Variants in FNDC3B observed in about 807,000 individuals in gnomAD.
FNDC3B encodes fibronectin type III domain-containing protein 3B.
Under a neutral mutation model 151.5 loss-of-function variants are expected in FNDC3B, and 12 were observed. The ratio of observed to expected loss-of-function variants is 0.08; its 90% CI spans 0.05 to 0.13. The LOEUF is 0.13. Among genes scored for constraint, FNDC3B ranks in the 10% least tolerant of loss-of-function variants. FNDC3B has a pLI of 1.00. For missense variants in FNDC3B, 1,214 were observed against 1,505.3 expected (o/e 0.81, Z 3.20); for synonymous variants, 528 against 549.0 (o/e 0.96, Z 0.54).
rs142806246 is a variant in FNDC3B, at chr3:172,154,448, C to T, written c.187+20902C>T. On this transcript the variant is annotated intron_variant, in intron 3 of 25. Transcript: ENST00000415807. The stretch of plus-strand genomic sequence containing the variant: ...CCAGGATGGTCCTGACCTCGTGATC[C>T]GCCGTCCTCCGCCTCCCAAAGTGCT... 4.2e-3 allele frequency among the ~76,000 whole-genome samples: 640 copies of T among 152,218 alleles called. 5 individuals are homozygous for T. The highest frequency in any genetic ancestry group is 0.014 in the African/African-American group (596 of 41,548).
At chr3:172,127,548 A>T (rs1461456507) in intron 2 of FNDC3B, among the ~76,000 whole-genome samples, 3 of 103,540 alleles carry the variant, frequency 2.9e-5, no homozygotes, top group Non-Finnish European at 6.1e-5. Context: ...GCTGTTTCTT[A>T]ATCATTGTAG....
intron 6 of FNDC3B, among the ~76,000 whole-genome samples, chr3:172,257,217 C>T (rs952327958): frequency 2.0e-5 from 3 of 152,192 alleles, no homozygotes; most frequent in Admixed American, 2.0e-4. Context: ...GGCCTCCAAA[C>T]ACTTTTTTAT....
intron 25 of FNDC3B, 74 bp downstream of exon 25, chr3:172,381,167 G>C: frequency 6.6e-7 from 1 of 1,526,650 alleles, no homozygotes; most frequent in Non-Finnish European, 9.0e-7. Flanking sequence ...TGCTATGAAT[G>C]ACTCAGTGAA....
At chr3:172,305,538 TCA>T (rs1355500956) in intron 9 of FNDC3B, among the ~76,000 whole-genome samples, 1 of 152,216 alleles carries the variant, frequency 6.6e-6, no homozygotes. Flanking sequence ...AGATACAGGT[TCA>T]GTTTTTCTGC....
intron 3 of FNDC3B, among the ~76,000 whole-genome samples, chr3:172,176,195 C>T (rs915249973): frequency 1.3e-5 from 2 of 152,188 alleles, no homozygotes; most frequent in Admixed American, 1.3e-4. Context: ...CATTCCCTTG[C>T]CAGAGCCTGG....
chr3:172,172,749 A>G (rs1723347091), intron 3 of FNDC3B, among the ~76,000 whole-genome samples: 1 of 152,244 alleles, frequency 6.6e-6, no homozygotes, highest in Non-Finnish European at 1.5e-5. Flanking sequence ...ATATGCATTT[A>G]TATCGCTCAG....
chr3:172,077,640 T>G (rs1015452792), intron 1 of FNDC3B, among the ~76,000 whole-genome samples: 1 of 152,140 alleles, frequency 6.6e-6, no homozygotes, highest in South Asian at 2.1e-4. Flanking sequence ...TGGCCTCCAG[T>G]GTGGTTGTCT....
chr3:172,270,160 G>A (rs1157487199), intron 6 of FNDC3B, among the ~76,000 whole-genome samples: 1 of 152,208 alleles, frequency 6.6e-6, no homozygotes. Flanking sequence ...TGTAGTGCTT[G>A]TTTTGTAATA....
intron 25 of FNDC3B, among the ~76,000 whole-genome samples, chr3:172,390,486 G>C (rs1735951736): frequency 6.6e-6 from 1 of 150,766 alleles, no homozygotes; most frequent in South Asian, 2.1e-4. Flanking sequence ...TGAAGTCTTT[G>C]TTCAAGAGTC....
Position 172,362,744 on chromosome 3 carries a change from T to C in FNDC3B, c.2907T>C (p.Ala969=). Residue 969 remains alanine, a synonymous_variant, in exon 23 of 26, where the codon GCT becomes GCC. Transcript: ENST00000415807. ...CTCCTAGGCTAGAATGTGCTGCTGCTGGTCCTCAGAGCCTGAAGCTAAAAT... is the reference window on the plus strand; with the variant it reads ...CTCCTAGGCTAGAATGTGCTGCTGCCGGTCCTCAGAGCCTGAAGCTAAAAT... ...PLPPRLECAA[A]GPQSLKLKWG... The C allele has an allele frequency of 6.2e-7, 1 of 1,614,108 alleles. No homozygotes were observed.
rs894754935 is a variant in FNDC3B, at chr3:172,280,867, C to T, written c.791-5059C>T. ...TTTAAATTTCACATGACACATCTTCCCTCTATGTGTGTGGGTTTTTTCTTT... is the reference window on the plus strand; with the variant it reads ...TTTAAATTTCACATGACACATCTTCTCTCTATGTGTGTGGGTTTTTTCTTT... On this transcript the variant is annotated intron_variant, in intron 6 of 25. Coordinates refer to ENST00000415807, the MANE Select transcript of FNDC3B (RefSeq NM_022763.4). Among the ~76,000 whole-genome samples the T allele has an allele frequency of 2.0e-5, 3 of 152,168 alleles. No homozygotes were observed. In the East Asian group the frequency reaches 5.8e-4, roughly 29 times the overall value.
intron 1 of FNDC3B, among the ~76,000 whole-genome samples, chr3:172,081,459 CTG>C (rs1282854282): frequency 1.3e-5 from 2 of 152,026 alleles, no homozygotes; most frequent in African/African-American, 2.4e-5. Context: ...TGTAAAGTGA[CTG>C]TTTTTAACAT....
At position 172,298,653 on chromosome 3, in the gene FNDC3B, C is replaced by T. The variant is rs1730756802; in HGVS notation, c.1002-75C>T. 3 of 922,634 alleles carry T rather than the reference C, an allele frequency of 3.3e-6. No homozygotes were observed. The Admixed American group carries it at 6.1e-5, about 19-fold the overall frequency. The allele number at this position is 922,634 out of a possible 1,614,324, so 57.2% of individuals were successfully genotyped here. The stretch of plus-strand genomic sequence containing the variant: ...TTCATGAATTATTGTCAGTACATTA[C>T]TGGACACCCAAATTCCAAATCTCGT... On this transcript the variant is annotated intron_variant, in intron 8 of 25. Transcript: ENST00000415807.
At chr3:172,327,697 C>T (rs1732429831) in intron 11 of FNDC3B, among the ~76,000 whole-genome samples, 1 of 152,234 alleles carries the variant, frequency 6.6e-6, no homozygotes, top group Admixed American at 6.5e-5. Flanking sequence ...AGCCACCGCG[C>T]CCGGCCAGTG....
chr3:172,340,125 G>A (rs978917537), intron 16 of FNDC3B, among the ~76,000 whole-genome samples: 4 of 152,208 alleles, frequency 2.6e-5, no homozygotes, highest in Admixed American at 6.5e-5. Context: ...TCAGGCAGGC[G>A]GCTGAGGCAG....
rs1728680396 is a variant in FNDC3B at position 172,262,169 on chromosome 3, A to G, written c.790+10628A>G. Among the ~76,000 whole-genome samples the G allele has an allele frequency of 4.6e-5, 7 of 152,192 alleles. No individual in the cohort carries two copies. The South Asian group carries it at 8.3e-4, about 18-fold the overall frequency. The stretch of plus-strand genomic sequence containing the variant: ...GACTGTGGAATAAAGATAATTTGGG[A>G]AAAAAATGGGCAGAAAATAAGAGAG... On this transcript the variant is annotated intron_variant, in intron 6 of 25. Transcript: ENST00000415807.
intron 4 of FNDC3B, among the ~76,000 whole-genome samples, chr3:172,241,459 T>C (rs1387997590): frequency 4.6e-5 from 7 of 151,884 alleles, no homozygotes; most frequent in African/African-American, 1.7e-4. Context: ...GCAATTTACA[T>C]AGGAAAAAGG....
rs1576797998 is a variant in FNDC3B at position 172,207,143 on chromosome 3, T to A, written c.188-19728T>A. Among the ~76,000 whole-genome samples the A allele has an allele frequency of 2.6e-5, 4 of 152,292 alleles. No homozygotes were observed. The East Asian group carries it at 7.7e-4, about 29-fold the overall frequency. ...ACCTAAGATCATTACCTTAATTTTT[T>A]TATCTGCTAGTCAGTAATTTTCAAC... is the stretch of plus-strand genomic sequence containing the variant. On this transcript the variant is annotated intron_variant, in intron 3 of 25. Coordinates refer to ENST00000415807, the MANE Select transcript of FNDC3B (RefSeq NM_022763.4).
At position 172,208,736 on chromosome 3, in the gene FNDC3B, G is replaced by GCCGTGCT. The variant is rs61286698; in HGVS notation, c.188-18134_188-18133insCGTGCTC. ...CTTCTGCCCACTTGGCCTGGATCAG[G>GCCGTGCT]CAGCACCACCGGCCAGGATCCTCCC... is the stretch of plus-strand genomic sequence containing the variant. On this transcript the variant is annotated intron_variant, in intron 3 of 25. Transcript: ENST00000415807. Among the ~76,000 whole-genome samples the GCCGTGCT allele has an allele frequency of 3.9e-5, 6 of 151,976 alleles. No homozygotes were observed. The East Asian group carries it at 1.2e-3, about 30-fold the overall frequency.
Sources: gnomAD v4.1 joint callset for allele counts (sites outside exome capture counted in the v4.1 genomes callset) on GRCh38, gnomAD v4.1.1 for gene constraint, MANE v1.5 for transcripts, NCBI Gene and HGNC (gene_info 2026-07-23, HGNC 2026-07-21) for gene names.